Variants in PRKAG2 observed in about 807,000 individuals in gnomAD.
PRKAG2 encodes the protein 5'-AMP-activated protein kinase subunit gamma-2.
A neutral mutation model predicts 69.6 loss-of-function variants in PRKAG2; 26 were observed. That is an observed-to-expected ratio of 0.37 (90% CI 0.27 to 0.52). The LOEUF is 0.52. Among genes scored for constraint, PRKAG2 ranks in the 20% least tolerant of loss-of-function variants. The probability of loss-of-function intolerance (pLI) is 0.90; values close to 1 mark genes in which losing one functional copy is unlikely to be tolerated. For synonymous variants in PRKAG2, 293 were observed against 285.0 expected, an observed-to-expected ratio of 1.03 and a Z score of -0.28; for missense variants, 557 against 740.0, an observed-to-expected ratio of 0.75 and a Z score of 2.87.
At chr7:151,577,086 C>T (rs1206537100) in intron 6 of PRKAG2, among the ~76,000 whole-genome samples, 3 of 151,782 alleles carry the variant, frequency 2.0e-5, no homozygotes, top group African/African-American at 7.3e-5. Flanking sequence ...ATATCTCCTA[C>T]ATGTGGTTAT....
chr7:151,743,274 CT>C (rs2074029681), intron 3 of PRKAG2, among the ~76,000 whole-genome samples: 1 of 152,198 alleles, frequency 6.6e-6, no homozygotes, highest in Non-Finnish European at 1.5e-5. Context: ...ACTCACACCC[CT>C]GGCTGGTGCT....
rs779808842 is a variant in PRKAG2, at chr7:151,576,469, G to A, written c.865-17C>T. 6.4e-7 allele frequency: 1 copy of A among 1,553,928 alleles called. No homozygotes were observed. The highest frequency in any genetic ancestry group is 1.7e-5 in the Admixed American group (1 of 59,676). ...CTTTTTAACCTGAAGAAAAAGAGGA[G>A]AAACAAAACATACTTTCAAAGTCCA... is the stretch of plus-strand genomic sequence containing the variant. On this transcript the variant is annotated splice_polypyrimidine_tract_variant and intron_variant, in intron 6 of 15. Transcript: ENST00000287878.
At chr7:151,695,037 T>A (rs1836368648) in intron 3 of PRKAG2, among the ~76,000 whole-genome samples, 1 of 152,176 alleles carries the variant, frequency 6.6e-6, no homozygotes, top group Non-Finnish European at 1.5e-5. Flanking sequence ...CGCCAGACAT[T>A]CCTGCCTTCC....
chr7:151,566,504 G>T, intron 11 of PRKAG2: 1 of 392,022 alleles, frequency 2.6e-6, no homozygotes, highest in East Asian at 7.2e-5. Context: ...GGAGGGATAT[G>T]GCAGGAGAGA....
intron 4 of PRKAG2, among the ~76,000 whole-genome samples, chr7:151,653,940 T>G (rs988011149): frequency 6.6e-6 from 1 of 152,230 alleles, no homozygotes; most frequent in Non-Finnish European, 1.5e-5. Context: ...CAAATTTCTA[T>G]TCCTCAAAAG....
chr7:151,718,405 G>T (rs1043990905), intron 3 of PRKAG2, among the ~76,000 whole-genome samples: 4 of 152,020 alleles, frequency 2.6e-5, no homozygotes, highest in Non-Finnish European at 4.4e-5. Flanking sequence ...CCACATCGAG[G>T]GTCAGGGCTT....
rs566959777 is a variant in PRKAG2 at position 151,800,314 on chromosome 7, C to T, written c.115-13773G>A. Among the ~76,000 whole-genome samples the T allele has an allele frequency of 2.2e-4, 33 of 150,456 alleles. No individual in the cohort carries two copies. The South Asian group carries it at 6.5e-3, about 30-fold the overall frequency. ...CGGAGCTTGCAGTGAGCTGAGATCACGCCACTGCACTCCAGCCTGGGCGAC... is the reference window on the plus strand; with the variant it reads ...CGGAGCTTGCAGTGAGCTGAGATCATGCCACTGCACTCCAGCCTGGGCGAC... On this transcript the variant is annotated intron_variant, in intron 1 of 15. Coordinates refer to ENST00000287878, the MANE Select transcript of PRKAG2 (RefSeq NM_016203.4).
chr7:151,855,879 C>A (rs571424937), intron 1 of PRKAG2, among the ~76,000 whole-genome samples: 17 of 152,362 alleles, frequency 1.1e-4, no homozygotes, highest in Admixed American at 7.8e-4. Flanking sequence ...ATGCTATGTG[C>A]ACCCTGTCTC....
chr7:151,617,057 C>T (rs992672383), intron 5 of PRKAG2, among the ~76,000 whole-genome samples: 32 of 151,888 alleles, frequency 2.1e-4, no homozygotes, highest in African/African-American at 7.5e-4. Context: ...GTCAAGAGTA[C>T]AAGACCAGCC....
intron 4 of PRKAG2, among the ~76,000 whole-genome samples, chr7:151,645,892 G>A (rs1827478171): frequency 6.6e-6 from 1 of 152,136 alleles, no homozygotes; most frequent in Admixed American, 6.5e-5. Flanking sequence ...ATTATGATAT[G>A]TGGCAAGGGT....
chr7:151,730,858 C>T (rs976371581), intron 3 of PRKAG2, among the ~76,000 whole-genome samples: 5 of 152,254 alleles, frequency 3.3e-5, no homozygotes, highest in Admixed American at 6.5e-5. Flanking sequence ...GGCAAGAAGC[C>T]GTTGCGTAGT....
At chr7:151,736,241 G>C in intron 3 of PRKAG2, 1 of 1,359,358 alleles carries the variant, frequency 7.4e-7, no homozygotes, top group Non-Finnish European at 9.5e-7. Context: ...CCGTCCTGAC[G>C]GGGCTGCACC....
At chr7:151,784,635 G>A (rs1289708250) in intron 2 of PRKAG2, among the ~76,000 whole-genome samples, 1 of 152,186 alleles carries the variant, frequency 6.6e-6, no homozygotes, top group Non-Finnish European at 1.5e-5. Context: ...CCATGAGGGT[G>A]GGGGTCACGG....
At chr7:151,866,195 C>T (rs1344532516) in intron 1 of PRKAG2, among the ~76,000 whole-genome samples, 1 of 152,168 alleles carries the variant, frequency 6.6e-6, no homozygotes, top group African/African-American at 2.4e-5. Context: ...ACGCCGCCCT[C>T]TCTGGGCCCA....
At chr7:151,746,533 A>G (rs1412462847) in intron 3 of PRKAG2, among the ~76,000 whole-genome samples, 3 of 152,226 alleles carry the variant, frequency 2.0e-5, no homozygotes, top group Admixed American at 6.5e-5. Flanking sequence ...AATAGCAAAA[A>G]TATCCTGTAA....
intron 11 of PRKAG2, among the ~76,000 whole-genome samples, chr7:151,568,053 C>T (rs1043385681): frequency 1.3e-5 from 2 of 152,208 alleles, no homozygotes; most frequent in African/African-American, 2.4e-5. Context: ...AAATTCCATG[C>T]ATGTAATTAA....
chr7:151,664,317 G>A (rs900853823), intron 4 of PRKAG2, among the ~76,000 whole-genome samples: 1 of 152,190 alleles, frequency 6.6e-6, no homozygotes, highest in Non-Finnish European at 1.5e-5. Context: ...AACCCTGTGA[G>A]ATAAATCCGA....
chr7:151,568,580 G>A (rs1297995477), intron 11 of PRKAG2, 136 bp downstream of exon 11: 2 of 906,160 alleles, frequency 2.2e-6, no homozygotes, highest in Non-Finnish European at 1.7e-6. Flanking sequence ...AGTAAGTTGA[G>A]AAACTGAAGT....
chr7:151,706,979 C>T (rs571651496), intron 3 of PRKAG2, among the ~76,000 whole-genome samples: 1 of 152,308 alleles, frequency 6.6e-6, no homozygotes, highest in African/African-American at 2.4e-5. Flanking sequence ...CTCAAATGTT[C>T]GGACCTGCCT....
Sources: gnomAD v4.1 joint callset for allele counts (sites outside exome capture counted in the v4.1 genomes callset) on GRCh38, gnomAD v4.1.1 for gene constraint, MANE v1.5 for transcripts, NCBI Gene and HGNC (gene_info 2026-07-23, HGNC 2026-07-21) for gene names.